CNTN5: variants seen among roughly 807,000 people sequenced by gnomAD.
CNTN5 encodes the protein contactin 5.
CNTN5 carries 77 observed loss-of-function variants against 129.1 expected under a neutral mutation model. That is an observed-to-expected ratio of 0.60 (90% confidence interval 0.50 to 0.72). The LOEUF is 0.72. Among genes scored for constraint, CNTN5 ranks in the 30% least tolerant of loss-of-function variants. CNTN5 has a pLI of 0.00. For synonymous variants in CNTN5, 509 were observed against 465.6 expected, an observed-to-expected ratio of 1.09 and a Z score of -1.20; for missense variants, 1,478 against 1,328.8, an observed-to-expected ratio of 1.11 and a Z score of -1.75.
chr11:100,063,009 C>T (rs1487549573), intron 10 of CNTN5, among the ~76,000 whole-genome samples: 8 of 152,072 alleles, frequency 5.3e-5, no homozygotes, highest in South Asian at 2.1e-4. Context: ...AGTGTTGAAC[C>T]GGAACTTTAC....
At chr11:100,171,604 A>G (rs763594037) in intron 13 of CNTN5, among the ~76,000 whole-genome samples, 1 of 152,034 alleles carries the variant, frequency 6.6e-6, no homozygotes, top group Non-Finnish European at 1.5e-5. Context: ...AAAAGTTATC[A>G]GTTTTGAACT....
At chr11:99,809,209 T>C (rs61490348) in intron 3 of CNTN5, among the ~76,000 whole-genome samples, 1 of 152,244 alleles carries the variant, frequency 6.6e-6, no homozygotes, top group East Asian at 1.9e-4. Context: ...AAAAATAAAT[T>C]CACTTATAGC....
At chr11:100,280,144 G>T (rs1202913222) in intron 18 of CNTN5, among the ~76,000 whole-genome samples, 1 of 151,770 alleles carries the variant, frequency 6.6e-6, no homozygotes, top group Non-Finnish European at 1.5e-5. Context: ...CTGAGGAAAA[G>T]AATGTGTATT....
chr11:99,278,964 C>T (rs1863573556), intron 1 of CNTN5, among the ~76,000 whole-genome samples: 2 of 151,488 alleles, frequency 1.3e-5, no homozygotes, highest in Non-Finnish European at 1.5e-5. Context: ...TTGCCTCAGA[C>T]CTTTCAAAGA....
intron 2 of CNTN5, among the ~76,000 whole-genome samples, chr11:99,383,174 A>G (rs914318648): frequency 6.6e-6 from 1 of 152,022 alleles, no homozygotes; most frequent in East Asian, 1.9e-4. Flanking sequence ...CTTTTATTTC[A>G]CTAAATATAT....
chr11:99,448,887 C>G (rs1944186164), intron 2 of CNTN5, among the ~76,000 whole-genome samples: 2 of 151,348 alleles, frequency 1.3e-5, no homozygotes, highest in Admixed American at 6.6e-5. Context: ...CTCAAGTGAT[C>G]CTCTCACCCC....
chr11:99,877,485 T>C (rs1948663773), intron 6 of CNTN5, among the ~76,000 whole-genome samples: 1 of 152,198 alleles, frequency 6.6e-6, no homozygotes, highest in African/African-American at 2.4e-5. Context: ...GTGACAGAGA[T>C]AAGTCTCTTT....
intron 9 of CNTN5, among the ~76,000 whole-genome samples, chr11:100,005,060 C>T (rs924060923): frequency 3.3e-5 from 5 of 152,114 alleles, no homozygotes; most frequent in African/African-American, 4.8e-5. Flanking sequence ...GCACTTTCCC[C>T]ACTCTTAGGC....
At chr11:99,921,991 T>C (rs923753186) in intron 7 of CNTN5, among the ~76,000 whole-genome samples, 1 of 152,130 alleles carries the variant, frequency 6.6e-6, no homozygotes, top group African/African-American at 2.4e-5. Flanking sequence ...CTTGGGAAAA[T>C]ATAGTCAAAA....
intron 13 of CNTN5, among the ~76,000 whole-genome samples, chr11:100,174,765 G>A (rs536432360): frequency 9.2e-5 from 14 of 152,136 alleles, no homozygotes; most frequent in South Asian, 4.2e-4. Flanking sequence ...TTATTCGGTC[G>A]CTTAGCACAC....
intron 1 of CNTN5, among the ~76,000 whole-genome samples, chr11:99,109,367 T>C (rs1278608058): frequency 2.0e-5 from 3 of 151,164 alleles, no homozygotes; most frequent in Non-Finnish European, 4.4e-5. Flanking sequence ...TTATACACTA[T>C]GCCCATGTAC....
intron 1 of CNTN5, among the ~76,000 whole-genome samples, chr11:99,060,886 T>A (rs1439374282): frequency 6.6e-6 from 1 of 152,082 alleles, no homozygotes; most frequent in East Asian, 1.9e-4. Flanking sequence ...AGAAGTATCC[T>A]ATGAGAGAGT....
intron 3 of CNTN5, among the ~76,000 whole-genome samples, chr11:99,732,510 C>T (rs923415533): frequency 4.6e-5 from 7 of 152,026 alleles, no homozygotes; most frequent in African/African-American, 1.7e-4. Flanking sequence ...AGACAGTGAT[C>T]ATCGTAAGCT....
At chr11:99,608,281 T>G (rs978327460) in intron 3 of CNTN5, among the ~76,000 whole-genome samples, 7 of 152,244 alleles carry the variant, frequency 4.6e-5, no homozygotes, top group African/African-American at 1.7e-4. Context: ...TGGCAGATGT[T>G]ACAGCCCACT....
chr11:99,327,000 T>C (rs1482645145), intron 2 of CNTN5, among the ~76,000 whole-genome samples: 5 of 152,320 alleles, frequency 3.3e-5, no homozygotes, highest in Middle Eastern at 3.4e-3. Context: ...TTATTTCCTA[T>C]ATATAAACAT....
intron 3 of CNTN5, among the ~76,000 whole-genome samples, chr11:99,600,068 A>G (rs1318332477): frequency 6.6e-6 from 1 of 152,114 alleles, no homozygotes; most frequent in East Asian, 1.9e-4. Context: ...AGGAGGAATA[A>G]ACTCAGTCGT....
rs543361819 is a variant in CNTN5, at chr11:100,223,938, G to A, written c.1885-754G>A. Among the ~76,000 whole-genome samples the A allele has an allele frequency of 1.8e-4, 28 of 152,162 alleles. No homozygotes were observed. The South Asian group carries it at 2.7e-3, about 15-fold the overall frequency. On this transcript the variant is annotated intron_variant, in intron 15 of 24. Transcript: ENST00000524871. Reference sequence around the variant, plus strand: ...TTTGTACCAGCCATTTTAAAGTATAGGAACATCACCTATCCCATGAACTAA... The same window carrying A: ...TTTGTACCAGCCATTTTAAAGTATAAGAACATCACCTATCCCATGAACTAA...
At chr11:99,551,674 C>T (rs1436924034) in intron 2 of CNTN5, among the ~76,000 whole-genome samples, 1 of 152,128 alleles carries the variant, frequency 6.6e-6, no homozygotes, top group Non-Finnish European at 1.5e-5. Flanking sequence ...TGCTACAGAT[C>T]TAGCCTGTAA....
chr11:100,060,628 A>G (rs946353398), intron 9 of CNTN5, among the ~76,000 whole-genome samples: 3 of 139,036 alleles, frequency 2.2e-5, no homozygotes, highest in African/African-American at 8.3e-5. Flanking sequence ...CAAAAACATA[A>G]CAATTTTTTT....
Sources: allele counts gnomAD v4.1 joint callset (sites outside exome capture counted in the v4.1 genomes callset), GRCh38; gene constraint gnomAD v4.1.1; transcripts MANE v1.5; gene names NCBI Gene and HGNC (gene_info 2026-07-23, HGNC 2026-07-21).